OR1L8: variants seen among roughly 807,000 people sequenced by gnomAD.
OR1L8 encodes the protein olfactory receptor 1L8.
For missense variants in OR1L8, 330 were observed against 377.4 expected, an observed-to-expected ratio of 0.87 and a Z score of 1.04; for synonymous variants, 148 against 147.0, an observed-to-expected ratio of 1.01 and a Z score of -0.05.
At chr9:122,563,569 T>G (rs1829385555), downstream of OR1L8, among the ~76,000 whole-genome samples, 1 of 152,256 alleles carries the variant, frequency 6.6e-6, no homozygotes, top group Non-Finnish European at 1.5e-5. Context: ...GGTTGTCTCT[T>G]TGCTCTGTTG....
chr9:122,564,009 T>G (rs1486969001), downstream of OR1L8, among the ~76,000 whole-genome samples: 1 of 152,174 alleles, frequency 6.6e-6, no homozygotes, highest in Non-Finnish European at 1.5e-5. Context: ...TACTATAGCT[T>G]TATAGTATGT....
the OR1L8 span, among the ~76,000 whole-genome samples, chr9:122,559,162 G>A: frequency 6.6e-6 from 1 of 151,972 alleles, no homozygotes; most frequent in African/African-American, 2.4e-5. Flanking sequence ...TCCTGTCTAA[G>A]TATAACATAG....
At chr9:122,553,541 T>C in the OR1L8 span, 3 of 1,614,042 alleles carry the variant, frequency 1.9e-6, no homozygotes, top group Admixed American at 5.0e-5. Flanking sequence ...TCCTTATGTT[T>C]GGTGGCCTTG....
chr9:122,571,270 T>G (rs967840218), intron 4 of OR1L8, among the ~76,000 whole-genome samples: 15 of 152,054 alleles, frequency 9.9e-5, no homozygotes, highest in African/African-American at 3.1e-4. Flanking sequence ...TGGCCATGCA[T>G]GCCGGGCGCG....
downstream of OR1L8, among the ~76,000 whole-genome samples, chr9:122,565,843 C>T (rs4836894): frequency 0.24 from 37,182 of 152,054 alleles, 4,908 homozygotes; most frequent in Middle Eastern, 0.34. Context: ...TTATTTTTTA[C>T]CTTTTTGTTA....
rs1169116262 is a variant in OR1L8 at position 122,576,194 on chromosome 9, A to ATG, written c.-342+570_-342+571dup. On this transcript the variant is annotated intron_variant, in intron 3 of 4. Coordinates refer to ENST00000641027, the MANE Select transcript of OR1L8 (RefSeq NM_001004454.2). ...AAAGTATATACATATATATGTATGT[A>ATG]TGTCTACATGTAACATTTTCTTTTT... Among the ~76,000 whole-genome samples the ATG allele has an allele frequency of 2.6e-5, 4 of 151,976 alleles. No homozygotes were observed. The East Asian group carries it at 5.8e-4, about 22-fold the overall frequency.
the OR1L8 span, chr9:122,552,962 C>T: frequency 1.3e-5 from 7 of 518,530 alleles, no homozygotes; most frequent in African/African-American, 1.3e-4. Context: ...TTGGATTCTG[C>T]TATAGCATAC....
the OR1L8 span, chr9:122,554,090 T>C: frequency 2.6e-5 from 42 of 1,613,576 alleles, no homozygotes; most frequent in Non-Finnish European, 3.6e-5. Context: ...CATTCATTTA[T>C]AGCTTGAGGA....
chr9:122,556,752 CT>C, the OR1L8 span, among the ~76,000 whole-genome samples: 1 of 152,148 alleles, frequency 6.6e-6, no homozygotes, highest in Non-Finnish European at 1.5e-5. Flanking sequence ...TATTCTGAGT[CT>C]TTTGCCTCTC....
chr9:122,562,106 G>T, the OR1L8 span, among the ~76,000 whole-genome samples: 1 of 152,334 alleles, frequency 6.6e-6, no homozygotes, highest in East Asian at 1.9e-4. Context: ...GCCTGAAGAG[G>T]CACTCTGGCT....
At chr9:122,578,020 CTT>C (rs2118745571) in intron 2 of OR1L8, among the ~76,000 whole-genome samples, 1 of 152,310 alleles carries the variant, frequency 6.6e-6, no homozygotes, top group Non-Finnish European at 1.5e-5. Context: ...AAGGAAAACA[CTT>C]TTACACTGCT....
chr9:122,552,785 T>TGTGTGTGC, the OR1L8 span, among the ~76,000 whole-genome samples: 5 of 125,858 alleles, frequency 4.0e-5, no homozygotes, highest in Non-Finnish European at 9.0e-5. Context: ...TGTGTGTGTG[T>TGTGTGTGC]GTGTGTGTGT....
chr9:122,548,983 T>C, the OR1L8 span, among the ~76,000 whole-genome samples: 68 of 152,166 alleles, frequency 4.5e-4, no homozygotes, highest in African/African-American at 1.6e-3. Context: ...TTTAGTTCCA[T>C]TTGTCTATTT....
chr9:122,561,569 T>C, the OR1L8 span, among the ~76,000 whole-genome samples: 1 of 152,208 alleles, frequency 6.6e-6, no homozygotes, highest in African/African-American at 2.4e-5. Context: ...TGTTTGTTTT[T>C]CTTTCAGTGG....
chr9:122,547,113 G>A, the OR1L8 span, among the ~76,000 whole-genome samples: 6 of 73,308 alleles, frequency 8.2e-5, no homozygotes, highest in African/African-American at 3.4e-4. Flanking sequence ...TAAGCAGTGA[G>A]CCACATAAAA....
At chr9:122,553,817 C>T in the OR1L8 span, 1 of 1,614,040 alleles carries the variant, frequency 6.2e-7, no homozygotes, top group Non-Finnish European at 8.5e-7. Flanking sequence ...AGCTGATGAT[C>T]ATCACCATGG....
At chr9:122,546,668 G>T in the OR1L8 span, among the ~76,000 whole-genome samples, 1 of 152,140 alleles carries the variant, frequency 6.6e-6, no homozygotes, top group Non-Finnish European at 1.5e-5. Context: ...GTAAATTAGA[G>T]ATTTAAATGT....
In OR1L8 at chr9:122,568,846, T is replaced by C. The variant is rs115956834; in HGVS notation, c.-212-157A>G. Among the ~76,000 whole-genome samples, 1,244 of 152,204 alleles carry C rather than the reference T, an allele frequency of 8.2e-3. 16 individuals are homozygous for C. The highest frequency in any genetic ancestry group is 0.029 in the African/African-American group (1,187 of 41,518). On this transcript the variant is annotated intron_variant, in intron 4 of 4. Transcript: ENST00000641027. ...TTCTGCTTATGTGGAGCTTACCTTC[T>C]AGTTGGGGAGGTAGATCATTATACT... is the stretch of plus-strand genomic sequence containing the variant.
chr9:122,567,864 G>A lies in OR1L8; in HGVS notation c.614C>T (p.Pro205Leu). ...VNEIVQMTEA[P>L]IVLVTRFLCI... Reference sequence around the variant, plus strand: ...GAGAAAACGAGTCACCAAAACAATAGGTGCTTCTGTCATCTGCACAATTTC... The same window carrying A: ...GAGAAAACGAGTCACCAAAACAATAAGTGCTTCTGTCATCTGCACAATTTC... The change falls in exon 5 of 5, where the codon CCT (proline) becomes CTT (leucine). Residue 205 changes from proline to leucine, a missense_variant. Transcript: ENST00000641027. 6.2e-7 allele frequency: 1 copy of A among 1,614,008 alleles called. No individual in the cohort carries two copies.
Sources: allele counts gnomAD v4.1 joint callset (sites outside exome capture counted in the v4.1 genomes callset), GRCh38; gene constraint gnomAD v4.1.1; transcripts MANE v1.5; gene names NCBI Gene and HGNC (gene_info 2026-07-23, HGNC 2026-07-21).